FAAH2: variants seen among roughly 807,000 people sequenced by gnomAD.
FAAH2 encodes fatty acid amide hydrolase 2, also known as fatty-acid amide hydrolase 2.
FAAH2 carries 60 observed loss-of-function variants against 36.9 expected under a neutral mutation model. The ratio of observed to expected loss-of-function variants is 1.63; its 90% CI spans 1.32 to 2.02. The LOEUF is 2.02. Among genes scored for constraint, FAAH2 ranks in the 30% most tolerant of loss-of-function variants. The pLI, the probability that FAAH2 is intolerant of heterozygous loss-of-function variation, is 0.00. For missense variants in FAAH2, 689 were observed against 397.5 expected (o/e 1.73, Z -6.23); for synonymous variants, 214 against 143.8 (o/e 1.49, Z -3.49).
chrX:57,340,879 C>A (rs1310086204), intron 4 of FAAH2, among the ~76,000 whole-genome samples: 1 of 110,475 alleles, frequency 9.1e-6, no homozygotes, highest in Non-Finnish European at 1.9e-5. Flanking sequence ...TTGATCTGTG[C>A]TGCCAACCAC....
intron 8 of FAAH2, among the ~76,000 whole-genome samples, chrX:57,438,135 A>G (rs2056455097): frequency 9.5e-6 from 1 of 105,570 alleles, no homozygotes; most frequent in Admixed American, 1.1e-4. Flanking sequence ...ATACACGTGT[A>G]TATATATTTG....
chrX:57,400,673 T>G (rs1227711075), intron 7 of FAAH2, among the ~76,000 whole-genome samples: 1 of 112,658 alleles, frequency 8.9e-6, no homozygotes, highest in Non-Finnish European at 1.9e-5. Flanking sequence ...TTTAGGGTTT[T>G]GGGATGAGGA....
chrX:57,341,350 T>C lies in FAAH2; in HGVS notation c.702T>C (p.Pro234=), dbSNP rs774427834. 7 of 1,210,890 alleles carry C rather than the reference T, an allele frequency of 5.8e-6. No homozygotes were observed. The East Asian group carries it at 2.1e-4, about 36-fold the overall frequency. ...GSDIGGSIRM[P]AFFNGIFGHK... is the part of the protein sequence containing the mutation. Reference sequence around the variant, plus strand: ...ATATTGGTGGTAGCATTCGAATGCCTGCTTTCTTCAATGGTATATTTGGAC... The same window carrying C: ...ATATTGGTGGTAGCATTCGAATGCCCGCTTTCTTCAATGGTATATTTGGAC... Residue 234 remains proline (P), a synonymous_variant, in exon 5 of 11, where the codon CCT becomes CCC. Transcript: ENST00000374900.
the FAAH2 span, among the ~76,000 whole-genome samples, chrX:57,159,733 T>A: frequency 1.8e-5 from 2 of 111,837 alleles, no homozygotes; most frequent in African/African-American, 3.3e-5. Context: ...TTAAGGAGAT[T>A]TTGGGCTGAG....
At chrX:57,331,929 G>T (rs2053419699) in intron 4 of FAAH2, 122 bp downstream of exon 4, 1 of 670,385 alleles carries the variant, frequency 1.5e-6, no homozygotes, top group East Asian at 3.5e-5. Context: ...AAAAACCCAG[G>T]ATATTTGTGT....
intron 5 of FAAH2, among the ~76,000 whole-genome samples, chrX:57,347,189 G>A (rs757706702): frequency 3.1e-4 from 34 of 111,037 alleles, no homozygotes; most frequent in Non-Finnish European, 6.1e-4. Flanking sequence ...TCCTCTCTCA[G>A]GCATGCCACT....
chrX:57,385,905 TA>T (rs34589565), intron 7 of FAAH2, among the ~76,000 whole-genome samples: 1,952 of 95,740 alleles, frequency 0.02, 49 homozygotes, highest in African/African-American at 0.07. Flanking sequence ...GAGACTCCGT[TA>T]AAAAAAAAAA....
At chrX:57,418,806 G>T (rs1262810799) in intron 7 of FAAH2, among the ~76,000 whole-genome samples, 1 of 107,859 alleles carries the variant, frequency 9.3e-6, no homozygotes, top group Non-Finnish European at 1.9e-5. Context: ...TGCCATGCCG[G>T]TGTGCTGCAC....
intron 7 of FAAH2, among the ~76,000 whole-genome samples, chrX:57,423,617 T>A (rs540246723): frequency 9.2e-4 from 103 of 111,666 alleles, no homozygotes; most frequent in Non-Finnish European, 1.7e-3. Context: ...TCTTCATGCA[T>A]GCTCTTTGGC....
chrX:57,255,017 G>A, the FAAH2 span, among the ~76,000 whole-genome samples: 1 of 111,042 alleles, frequency 9.0e-6, no homozygotes, highest in Non-Finnish European at 1.9e-5. Flanking sequence ...AAAATTGATA[G>A]ACCACTAGCC....
At chrX:57,133,513 G>A in the FAAH2 span, among the ~76,000 whole-genome samples, 16 of 111,510 alleles carry the variant, frequency 1.4e-4, no homozygotes, top group Middle Eastern at 4.6e-3. Flanking sequence ...GTGGCCAACT[G>A]GAGAGGGTAT....
At chrX:57,223,861 G>A in the FAAH2 span, among the ~76,000 whole-genome samples, 2 of 111,373 alleles carry the variant, frequency 1.8e-5, no homozygotes, top group East Asian at 5.7e-4. Flanking sequence ...ATTATCCAAG[G>A]CATCTCTACA....
intron 5 of FAAH2, among the ~76,000 whole-genome samples, chrX:57,355,596 C>G (rs752333140): frequency 9.1e-6 from 1 of 110,183 alleles, no homozygotes; most frequent in Non-Finnish European, 1.9e-5. Flanking sequence ...TCAGATTGTT[C>G]ATTATTAGTT....
the FAAH2 span, chrX:57,229,295 T>C: frequency 9.0e-6 from 1 of 111,340 alleles, no homozygotes; most frequent in Non-Finnish European, 1.9e-5. Context: ...AAAATTGTAA[T>C]TTCATGCTAT....
chrX:57,231,055 G>GTGTGTA, the FAAH2 span, among the ~76,000 whole-genome samples: 1 of 108,861 alleles, frequency 9.2e-6, no homozygotes, highest in Non-Finnish European at 1.9e-5. Flanking sequence ...GTGTGTGTGT[G>GTGTGTA]TGTGTGTGTG....
intron 10 of FAAH2, 125 bp downstream of exon 10, chrX:57,448,843 G>T (rs1356784634): frequency 4.7e-6 from 3 of 638,888 alleles, no homozygotes; most frequent in African/African-American, 2.2e-5. Context: ...AGTGCTGTGT[G>T]ATTGAAAACT....
chrX:57,300,804 G>A (rs779765952), intron 2 of FAAH2, among the ~76,000 whole-genome samples: 59 of 111,898 alleles, frequency 5.3e-4, no homozygotes, highest in African/African-American at 1.5e-3. Flanking sequence ...GGCAAAGGAT[G>A]TGAACAGACA....
chrX:57,464,818 C>A (rs1228874790), intron 10 of FAAH2, among the ~76,000 whole-genome samples: 1 of 111,339 alleles, frequency 9.0e-6, no homozygotes, highest in Non-Finnish European at 1.9e-5. Context: ...AACAAATCTA[C>A]ATGATGTATA....
At chrX:57,147,284 A>G in the FAAH2 span, among the ~76,000 whole-genome samples, 1 of 111,644 alleles carries the variant, frequency 9.0e-6, no homozygotes, top group African/African-American at 3.3e-5. Context: ...TCCTGATTTA[A>G]GCTACAAGAT....
Sources: allele counts gnomAD v4.1 joint callset (sites outside exome capture counted in the v4.1 genomes callset), GRCh38; gene constraint gnomAD v4.1.1; transcripts MANE v1.5; gene names NCBI Gene and HGNC (gene_info 2026-07-23, HGNC 2026-07-21).